LNX1: variants seen among roughly 807,000 people sequenced by gnomAD.
LNX1 encodes E3 ubiquitin-protein ligase LNX.
A neutral mutation model predicts 68.4 loss-of-function variants in LNX1; 54 were observed. That is an observed-to-expected ratio of 0.79 (90% CI 0.63 to 0.99). LNX1 has a LOEUF of 0.99. LNX1 is among the 50% of genes least tolerant of loss of function. The pLI, the probability that LNX1 is intolerant of heterozygous loss-of-function variation, is 0.00. For synonymous variants in LNX1, 336 were observed against 350.0 expected (o/e 0.96, Z 0.45); for missense variants, 906 against 926.4 (o/e 0.98, Z 0.29).
At chr4:53,577,020 A>AT (rs550954021) in intron 1 of LNX1, among the ~76,000 whole-genome samples, 159 of 152,374 alleles carry the variant, frequency 1.0e-3, no homozygotes, top group Middle Eastern at 3.4e-3. Context: ...GTAGCATTTT[A>AT]TTTAGCATCA....
chr4:53,634,153 A>G (rs1324113260), intron 1 of LNX1, among the ~76,000 whole-genome samples: 1 of 152,132 alleles, frequency 6.6e-6, no homozygotes, highest in Non-Finnish European at 1.5e-5. Context: ...TGTGCACCCA[A>G]TACCACCTGC....
chr4:53,466,488 G>C (rs1722692320), intron 9 of LNX1, among the ~76,000 whole-genome samples: 1 of 152,232 alleles, frequency 6.6e-6, no homozygotes, highest in East Asian at 1.9e-4. Context: ...GTGCCAGACG[G>C]TGCAGGACAG....
chr4:53,566,753 C>T (rs1730722429), intron 2 of LNX1, among the ~76,000 whole-genome samples: 1 of 151,124 alleles, frequency 6.6e-6, no homozygotes, highest in Admixed American at 6.6e-5. Context: ...TCAGGAAACC[C>T]ATCTCATGTG....
intron 2 of LNX1, among the ~76,000 whole-genome samples, chr4:53,608,895 G>A (rs541940877): frequency 5.9e-5 from 9 of 152,232 alleles, no homozygotes; most frequent in African/African-American, 1.9e-4. Flanking sequence ...ACTTATAAGT[G>A]GAAGCTAAAT....
At chr4:53,634,778 T>C (rs956458364) in intron 1 of LNX1, among the ~76,000 whole-genome samples, 13 of 152,014 alleles carry the variant, frequency 8.6e-5, no homozygotes, top group African/African-American at 2.7e-4. Context: ...GAGTCTTCCC[T>C]GGCATGTTTG....
At chr4:53,584,107 T>A (rs1240449239) in intron 1 of LNX1, among the ~76,000 whole-genome samples, 1 of 152,234 alleles carries the variant, frequency 6.6e-6, no homozygotes, top group Non-Finnish European at 1.5e-5. Context: ...CATCCAAAGC[T>A]GAAAAACAAT....
chr4:53,480,849 C>T (rs187999453), intron 7 of LNX1, among the ~76,000 whole-genome samples: 73 of 152,294 alleles, frequency 4.8e-4, no homozygotes, highest in Middle Eastern at 3.4e-3. Context: ...AAAGGGCATT[C>T]CCTACTTTCT....
chr4:53,495,548 C>CTTTTTTTTTTT (rs199684639), intron 6 of LNX1, among the ~76,000 whole-genome samples: 12,059 of 117,824 alleles, frequency 0.1, 1,275 homozygotes, highest in East Asian at 0.19. Context: ...CATGGCATAG[C>CTTTTTTTTTTT]TTTTTTTTTT....
intron 1 of LNX1, among the ~76,000 whole-genome samples, chr4:53,586,483 C>T (rs775988328): frequency 2.0e-4 from 31 of 152,112 alleles, no homozygotes; most frequent in Non-Finnish European, 3.7e-4. Flanking sequence ...GTGACAAATG[C>T]GTCAAACACA....
chr4:53,631,736 C>A (rs1260819127), intron 1 of LNX1, among the ~76,000 whole-genome samples: 5 of 152,056 alleles, frequency 3.3e-5, no homozygotes, highest in African/African-American at 1.2e-4. Context: ...AATATGTAGG[C>A]CCAAAGTGAC....
At chr4:53,559,921 AAGT>A (rs1730164763) in intron 2 of LNX1, among the ~76,000 whole-genome samples, 1 of 152,122 alleles carries the variant, frequency 6.6e-6, no homozygotes, top group South Asian at 2.1e-4. Context: ...CTCAACCTTC[AAGT>A]AGCTAGGATT....
upstream of LNX1, among the ~76,000 whole-genome samples, chr4:53,618,240 A>G (rs1297303802): frequency 1.3e-5 from 2 of 152,306 alleles, no homozygotes; most frequent in East Asian, 3.9e-4. Context: ...ATATCTAGAA[A>G]TACATGTCAA....
At chr4:53,585,629 A>C (rs1349447995) in intron 1 of LNX1, among the ~76,000 whole-genome samples, 1 of 152,194 alleles carries the variant, frequency 6.6e-6, no homozygotes, top group Non-Finnish European at 1.5e-5. Context: ...CAGGAGGAGA[A>C]GACACAAACG....
chr4:53,565,745 T>A (rs1730632334), intron 2 of LNX1, among the ~76,000 whole-genome samples: 1 of 148,844 alleles, frequency 6.7e-6, no homozygotes, highest in African/African-American at 2.4e-5. Context: ...AGTTGAAAAC[T>A]TTGAAAAAAA....
At position 53,465,481 on chromosome 4, in the gene LNX1, A is replaced by T. The variant is rs189100257; in HGVS notation, c.1893-3888T>A. On this transcript the variant is annotated intron_variant, in intron 9 of 10. Coordinates refer to ENST00000263925, the MANE Select transcript of LNX1 (RefSeq NM_001126328.3). Reference sequence around the variant, plus strand: ...CACGGCAAAATTTTCTGAAGGAGGCACTGTATTAAGTTACATTCTTCTCCA... The same window carrying T: ...CACGGCAAAATTTTCTGAAGGAGGCTCTGTATTAAGTTACATTCTTCTCCA... Among the ~76,000 whole-genome samples the T allele has an allele frequency of 3.0e-3, 456 of 152,302 alleles. 3 individuals are homozygous for T. The highest frequency in any genetic ancestry group is 0.01 in the African/African-American group (427 of 41,566).
At chr4:53,532,204 G>A (rs1233748117) in intron 2 of LNX1, among the ~76,000 whole-genome samples, 4 of 152,184 alleles carry the variant, frequency 2.6e-5, no homozygotes, top group Non-Finnish European at 5.9e-5. Context: ...GGCTAGGCAC[G>A]GTGGCTCATG....
chr4:53,562,688 A>G (rs1489069284), intron 2 of LNX1, among the ~76,000 whole-genome samples: 1 of 152,202 alleles, frequency 6.6e-6, no homozygotes, highest in Non-Finnish European at 1.5e-5. Context: ...CAGGAGGCAT[A>G]AATTCAGGAG....
intron 1 of LNX1, among the ~76,000 whole-genome samples, chr4:53,578,395 C>T (rs186007501): frequency 5.6e-4 from 85 of 152,276 alleles, no homozygotes; most frequent in South Asian, 2.9e-3. Flanking sequence ...ATGGCTCTTA[C>T]GCTGCAAACC....
chr4:53,600,833 C>T (rs111591286), intron 2 of LNX1, among the ~76,000 whole-genome samples: 16,540 of 149,874 alleles, frequency 0.11, 1,008 homozygotes, highest in Non-Finnish European at 0.14. Context: ...TGGGTTCAAG[C>T]GATTTTCCTG....
Sources: gnomAD v4.1 joint callset for allele counts (sites outside exome capture counted in the v4.1 genomes callset) on GRCh38, gnomAD v4.1.1 for gene constraint, MANE v1.5 for transcripts, NCBI Gene and HGNC (gene_info 2026-07-23, HGNC 2026-07-21) for gene names.